PRPF8: variants seen among roughly 807,000 people sequenced by gnomAD.
The protein encoded by PRPF8 is pre-mRNA processing factor 8.
A neutral mutation model predicts 285.9 loss-of-function variants in PRPF8; 64 were observed. The observed-to-expected ratio is 0.22, with a 90% confidence interval of 0.18 to 0.28. The LOEUF is 0.28. Among genes scored for constraint, PRPF8 ranks in the 10% least tolerant of loss-of-function variants. The probability of loss-of-function intolerance (pLI) is 1.00; values close to 1 mark genes in which losing one functional copy is unlikely to be tolerated. For synonymous variants in PRPF8, 1,325 were observed against 1,118.2 expected, an observed-to-expected ratio of 1.18 and a Z score of -3.69; for missense variants, 1,426 against 3,026.7, an observed-to-expected ratio of 0.47 and a Z score of 12.41.
At position 1,671,641 on chromosome 17, in the gene PRPF8, G is replaced by A. The variant is rs529522942; in HGVS notation, c.3774+1440C>T. 2.6e-5 allele frequency among the ~76,000 whole-genome samples: 4 copies of A among 151,870 alleles called. 1 individual carries two copies. In the South Asian group the frequency reaches 8.3e-4, roughly 32 times the overall value. On this transcript the variant is annotated intron_variant, in intron 24 of 42. Coordinates refer to ENST00000304992, the MANE Select transcript of PRPF8 (RefSeq NM_006445.4). ...CTGAGGCAGGCGGATCACAAGGTCA[G>A]GAGTTCGAGACCATCCTGGCTAACA...
In PRPF8 at chr17:1,676,485, C is replaced by T. The variant is rs1324419354; in HGVS notation, c.2388+20G>A. On this transcript the variant is annotated intron_variant, in intron 16 of 42. Transcript: ENST00000304992. This position sits in a 1 kb window ranked among gnomAD's most constrained non-coding sequence, Gnocchi z 6.3. ...CCACTCCCCCACCACTCACACCCAG[C>T]CCAGCCTACTCTGCCCAACCTTCAG... 6.2e-7 allele frequency: 1 copy of T among 1,614,064 alleles called. No homozygotes were observed. Among genetic ancestry groups the T allele is most frequent in the Non-Finnish European group, 8.5e-7 (1 of 1,180,018 alleles).
At position 1,681,651 on chromosome 17, in the gene PRPF8, T is replaced by C. The variant is rs562869642; in HGVS notation, c.693A>G (p.Thr231=). ...NGSTYQRWQF[T]LPMMSTLYRL... is the part of the protein sequence containing the mutation. ...GGTAGAGAGTCGACATCATAGGTAG[T>C]GTGAACTGCCAGCGCTGGTAAGTGG... Residue 231 remains threonine, a synonymous_variant, in exon 6 of 43, where the codon ACA becomes ACG. Coordinates refer to ENST00000304992, the MANE Select transcript of PRPF8 (RefSeq NM_006445.4). 1.2e-5 allele frequency: 19 copies of C among 1,614,106 alleles called. 2 individuals are homozygous for C. In the South Asian group the frequency reaches 1.8e-4, roughly 15 times the overall value.
rs1911597254 is a variant in PRPF8, at chr17:1,660,079, G to A, written c.4786-78C>T. The stretch of plus-strand genomic sequence containing the variant: ...CAGAGTTTGTACAATAAGATAATGA[G>A]GCAATAGGAGTCTCATCCTCAGAGC... On this transcript the variant is annotated intron_variant, in intron 30 of 42. Transcript: ENST00000304992. The A allele has an allele frequency of 1.8e-5, 26 of 1,482,412 alleles. No homozygotes were observed. In the South Asian group the frequency reaches 2.7e-4, roughly 15 times the overall value. 91.8% of individuals were successfully genotyped at this position (1,482,412 alleles called of 1,614,324 possible).
rs750486240 is a variant in PRPF8, at chr17:1,677,555, A to G, written c.1984+10T>C. ...AACAGGAGAAGTTGGACACAGAGAA[A>G]ACCACTCACCTTCAAACTGCCGGGC... is the stretch of plus-strand genomic sequence containing the variant. On this transcript the variant is annotated intron_variant, in intron 14 of 42. Coordinates refer to ENST00000304992, the MANE Select transcript of PRPF8 (RefSeq NM_006445.4). 2 of 1,613,992 alleles carry G rather than the reference A, an allele frequency of 1.2e-6. No individual in the cohort carries two copies. The highest frequency in any genetic ancestry group is 3.3e-5 in the Admixed American group (2 of 59,972).
In PRPF8 at chr17:1,681,674, T is replaced by C. The variant is rs1409812246; in HGVS notation, c.670A>G (p.Thr224Ala). Reference sequence around the variant, plus strand: ...AGTGTGAACTGCCAGCGCTGGTAAGTGGAGCCATTTACATACCTAGGTAAA... The same window carrying C: ...AGTGTGAACTGCCAGCGCTGGTAAGCGGAGCCATTTACATACCTAGGTAAA... ...RDSRKYVNGS[T>A]YQRWQFTLPM... Residue 224 changes from threonine to alanine, a missense_variant, in exon 6 of 43, where the codon ACT becomes GCT. Thr to Ala is a moderately conservative substitution (Grantham distance 58, BLOSUM62 0). Around this residue, in one of 34 missense-constraint regions of PRPF8, gnomAD observed 157 missense variants for 159.6 expected, o/e 0.98. Coordinates refer to ENST00000304992, the MANE Select transcript of PRPF8 (RefSeq NM_006445.4). 8 of 1,613,972 alleles carry C rather than the reference T, an allele frequency of 5.0e-6. No homozygotes were observed. Among genetic ancestry groups the C allele is most frequent in the Non-Finnish European group, 6.8e-6 (8 of 1,180,028 alleles).
Position 1,651,169 on chromosome 17 carries a change from C to G in PRPF8, c.6792G>C (p.Ser2264=). 6.2e-7 allele frequency: 1 copy of G among 1,614,124 alleles called. No individual in the cohort carries two copies. The highest frequency in any genetic ancestry group is 8.5e-7 in the Non-Finnish European group (1 of 1,180,040). ...CCATGAAGAAGCCAAGGAAACGGTCCGACAGCAGCATCTGCACCCTCTCAT... is the reference window on the plus strand; with the variant it reads ...CCATGAAGAAGCCAAGGAAACGGTCGGACAGCAGCATCTGCACCCTCTCAT... The part of the protein sequence containing the change: ...SHYERVQMLL[S]DRFLGFFMVP... Residue 2264 remains serine (S), a synonymous_variant, in exon 42 of 43, where the codon TCG becomes TCC. Transcript: ENST00000304992. This position sits in a 1 kb window ranked among gnomAD's most constrained non-coding sequence, Gnocchi z 5.1.
Position 1,650,656 on chromosome 17 carries a change from A to G in PRPF8, c.*146T>C, listed in dbSNP as rs757428720. The G allele has an allele frequency of 1.1e-6, 1 of 905,162 alleles. No individual in the cohort carries two copies. The highest frequency in any genetic ancestry group is 2.5e-5 in the Admixed American group (1 of 40,566). 56.1% of individuals were successfully genotyped at this position (905,162 alleles called of 1,614,324 possible). Reference sequence around the variant, plus strand: ...CTATTTATACAAAATTTATTATTATATTTTATTCAGGATGACAAGCCATCA... The same window carrying G: ...CTATTTATACAAAATTTATTATTATGTTTTATTCAGGATGACAAGCCATCA... On this transcript the variant is annotated 3_prime_UTR_variant, in exon 43 of 43. Coordinates refer to ENST00000304992, the MANE Select transcript of PRPF8 (RefSeq NM_006445.4).
intron 39 of PRPF8, chr17:1,652,087 A>C (rs1416133146): frequency 1.9e-6 from 1 of 514,652 alleles, no homozygotes; most frequent in Non-Finnish European, 3.5e-6. Flanking sequence ...CATGCAGCTC[A>C]GTGTATTTTC....
At position 1,651,683 on chromosome 17, in the gene PRPF8, G is replaced by A. The variant is rs757747094; in HGVS notation, c.6475C>T (p.Leu2159=). 4.3e-6 allele frequency: 7 copies of A among 1,614,036 alleles called. No individual in the cohort carries two copies. The South Asian group carries it at 4.4e-5, about 10-fold the overall frequency. The change falls in exon 40 of 43, where the codon CTG becomes TTG. Residue 2159 remains leucine (L), a synonymous_variant. Transcript: ENST00000304992. The surrounding 1 kb of genome is among the most constrained non-coding windows in gnomAD (Gnocchi z 5.1). ...TCATGCTGGGGCAGCTGGCCAGGCA[G>A]GTGCACGGTCTGGTGAGTGCCCCAC... ...PQWGTHQTVH[L]PGQLPQHEYL... is the part of the protein sequence containing the mutation.
rs111412368 is a variant in PRPF8 at position 1,681,369 on chromosome 17, T to C, written c.866+109A>G. On this transcript the variant is annotated intron_variant, in intron 6 of 42. Transcript: ENST00000304992. Reference sequence around the variant, plus strand: ...GTGCTGAGATTACAGCGTGAGCCACTGCACCTGGTGTAAACAGACTAATTT... The same window carrying C: ...GTGCTGAGATTACAGCGTGAGCCACCGCACCTGGTGTAAACAGACTAATTT... The C allele has an allele frequency of 4.4e-3, 5,542 of 1,248,828 alleles. 56 individuals are homozygous for C. The highest frequency in any genetic ancestry group is 0.022 in the South Asian group (1,807 of 83,366). 77.4% of individuals were successfully genotyped at this position (1,248,828 alleles called of 1,614,324 possible). A position where few individuals can be genotyped will look rare whatever the true frequency, so the allele number is the denominator to read the frequency against.
rs1196067563 is a variant in PRPF8 at position 1,656,373 on chromosome 17, C to T, written c.5793+19G>A. On this transcript the variant is annotated intron_variant, in intron 36 of 42. Coordinates refer to ENST00000304992, the MANE Select transcript of PRPF8 (RefSeq NM_006445.4). ...AACCCGCTCCTCCTCCAGCGATCTT[C>T]TCTTCCCGAGGTTCATACCGTGTAA... 3 of 1,614,222 alleles carry T rather than the reference C, an allele frequency of 1.9e-6. No homozygotes were observed. In the South Asian group the frequency reaches 3.3e-5, roughly 18 times the overall value.
chr17:1,677,272 A>G, intron 14 of PRPF8, 100 bp from the exon 15 acceptor site: 1 of 1,253,580 alleles, frequency 8.0e-7, no homozygotes, highest in Non-Finnish European at 1.2e-6. Context: ...TATTAATAAA[A>G]TTAGGTATTA....
rs1210711299 is a variant in PRPF8 at position 1,651,956 on chromosome 17, G to A, written c.6370-168C>T. ...GCTGGGGTGCTTGTTCAAAATGTTA[G>A]ACATGGACCTCATCGCGGACTTACC... is the stretch of plus-strand genomic sequence containing the variant. On this transcript the variant is annotated intron_variant, in intron 39 of 42. Coordinates refer to ENST00000304992, the MANE Select transcript of PRPF8 (RefSeq NM_006445.4). This position sits in a 1 kb window ranked among gnomAD's most constrained non-coding sequence, Gnocchi z 5.1. The A allele has an allele frequency of 7.0e-6, 6 of 853,520 alleles. No individual in the cohort carries two copies. Among genetic ancestry groups the A allele is most frequent in the Middle Eastern group, 3.3e-4 (1 of 3,064 alleles). 52.9% of individuals were successfully genotyped at this position (853,520 alleles called of 1,614,324 possible). A position where few individuals can be genotyped will look rare whatever the true frequency, so the allele number is the denominator to read the frequency against.
chr17:1,659,935 T>TTC lies in PRPF8; in HGVS notation c.4850_4851dup (p.Lys1618GlufsTer6). On this transcript the variant is annotated frameshift_variant, in exon 31 of 43. Coordinates refer to ENST00000304992, the MANE Select transcript of PRPF8 (RefSeq NM_006445.4). LOFTEE classifies it high-confidence loss of function. This position sits in a 1 kb window ranked among gnomAD's most constrained non-coding sequence, Gnocchi z 5.1. ...CAGGAAGAGTTCATCTTATATGACT[T>TTC]TCGGGGATGGATTGTCTCCTTTTGT... is the stretch of plus-strand genomic sequence containing the variant. 1 of 1,614,094 alleles carries TTC rather than the reference T, an allele frequency of 6.2e-7. No homozygotes were observed. The highest frequency in any genetic ancestry group is 8.5e-7 in the Non-Finnish European group (1 of 1,179,968).
At chr17:1,666,127 C>T (rs889514093) in intron 24 of PRPF8, among the ~76,000 whole-genome samples, 1 of 150,906 alleles carries the variant, frequency 6.6e-6, no homozygotes, top group Non-Finnish European at 1.5e-5. Flanking sequence ...GATCGCGCCA[C>T]TGCACTCCAA....
At chr17:1,682,074 A>C in intron 4 of PRPF8, 36 bp from the exon 5 acceptor site, 1 of 1,612,798 alleles carries the variant, frequency 6.2e-7, no homozygotes, top group African/African-American at 1.3e-5. Flanking sequence ...ATTTCTACCC[A>C]CTGCCTCCCA....
chr17:1,662,487 G>A lies in PRPF8; in HGVS notation c.3775-334C>T, dbSNP rs187317559. On this transcript the variant is annotated intron_variant, in intron 24 of 42. Transcript: ENST00000304992. ...GCCTGTAATCCCAGCTACTCAGAAG[G>A]CTGAGGCAAGAGAATCGCTTGAACC... 1.5e-3 allele frequency among the ~76,000 whole-genome samples: 234 copies of A among 152,066 alleles called. 2 individuals are homozygous for A. In the East Asian group the frequency reaches 0.02, roughly 13 times the overall value.
At chr17:1,665,602 G>T (rs1030876402) in intron 24 of PRPF8, among the ~76,000 whole-genome samples, 2 of 151,956 alleles carry the variant, frequency 1.3e-5, no homozygotes, top group African/African-American at 4.8e-5. Context: ...CCAGCACTTT[G>T]GGAGGACGAG....
At chr17:1,657,560 G>C (rs1911455325) in intron 34 of PRPF8, among the ~76,000 whole-genome samples, 1 of 150,422 alleles carries the variant, frequency 6.6e-6, no homozygotes, top group African/African-American at 2.5e-5. Flanking sequence ...GCAGGAGAAT[G>C]GCGTGAACCT....
Sources: allele counts gnomAD v4.1 joint callset (sites outside exome capture counted in the v4.1 genomes callset), GRCh38; gene constraint gnomAD v4.1.1; regional missense constraint gnomAD v4.1.1; non-coding constraint Gnocchi (gnomAD v3.1); transcripts MANE v1.5; gene names NCBI Gene and HGNC (gene_info 2026-07-23, HGNC 2026-07-21).